Variants in CUBN observed in about 807,000 individuals in gnomAD.
CUBN encodes the protein cubilin, also known as 460 kDa receptor.
In CUBN, 282 loss-of-function variants were observed where a neutral mutation model predicts 405.3. The ratio of observed to expected loss-of-function variants is 0.70; its 90% CI spans 0.63 to 0.77. CUBN has a LOEUF of 0.77. Among genes scored for constraint, CUBN ranks in the 30% least tolerant of loss-of-function variants. CUBN has a pLI of 0.00. For synonymous variants in CUBN, 1,684 were observed against 1,617.0 expected (o/e 1.04, Z -0.99); for missense variants, 4,514 against 4,475.2 (o/e 1.01, Z -0.25).
intron 17 of CUBN, among the ~76,000 whole-genome samples, chr10:17,082,620 C>T (rs961343118): frequency 5.3e-5 from 8 of 152,114 alleles, no homozygotes; most frequent in East Asian, 3.9e-4. Context: ...TCATGATGCT[C>T]GGCTTCATGT....
At chr10:17,017,023 GA>G (rs1564480421) in intron 28 of CUBN, among the ~76,000 whole-genome samples, 1 of 152,088 alleles carries the variant, frequency 6.6e-6, no homozygotes, top group Non-Finnish European at 1.5e-5. Context: ...CCATAGTGCA[GA>G]AAAAAATGAG....
chr10:17,057,496 T>G (rs1835421232), intron 22 of CUBN, among the ~76,000 whole-genome samples: 1 of 151,952 alleles, frequency 6.6e-6, no homozygotes, highest in Non-Finnish European at 1.5e-5. Flanking sequence ...ATCATATAGG[T>G]GGGAATATAA....
intron 2 of CUBN, 65 bp downstream of exon 2, chr10:17,129,056 C>T: frequency 7.6e-7 from 1 of 1,312,700 alleles, no homozygotes; most frequent in Non-Finnish European, 1.1e-6. Flanking sequence ...TTAATCTAGA[C>T]TTGTTCAATT....
chr10:17,105,411 C>T, intron 11 of CUBN, 46 bp downstream of exon 11: 2 of 1,092,178 alleles, frequency 1.8e-6, no homozygotes, highest in Non-Finnish European at 2.9e-6. Context: ...AGGCGTGAAA[C>T]TAATTCTCAG....
intron 17 of CUBN, among the ~76,000 whole-genome samples, chr10:17,082,521 A>G (rs1835995943): frequency 6.6e-6 from 1 of 152,232 alleles, no homozygotes; most frequent in South Asian, 2.1e-4. Context: ...ATAGTTCTTT[A>G]GAACCAGAGA....
rs780288882 is a variant in CUBN, at chr10:17,046,027, T to C, written c.3397A>G (p.Ile1133Val). ...AACCATAGTTTGTTACTATGAGAGA[T>C]GATTGTTGGGGGTAGATTTGAGCCA... ...FYGSNLPPTIISHSNKLWLKF... is the reference protein window; with the variant it reads ...FYGSNLPPTIVSHSNKLWLKF... The change falls in exon 24 of 67, where the codon ATC (isoleucine) becomes GTC (valine). Residue 1133 changes from isoleucine to valine, a missense_variant. Coordinates refer to ENST00000377833, the MANE Select transcript of CUBN (RefSeq NM_001081.4). 3.7e-6 allele frequency: 6 copies of C among 1,613,504 alleles called. No individual in the cohort carries two copies. In the South Asian group the frequency reaches 5.5e-5, roughly 15 times the overall value.
At chr10:16,913,371 A>T (rs1841787950) in intron 48 of CUBN, among the ~76,000 whole-genome samples, 1 of 152,128 alleles carries the variant, frequency 6.6e-6, no homozygotes, top group African/African-American at 2.4e-5. Context: ...GGTTGGTGAC[A>T]TGGAGGTCAC....
intron 65 of CUBN, among the ~76,000 whole-genome samples, chr10:16,830,467 C>A (rs1838952223): frequency 6.6e-6 from 1 of 152,108 alleles, no homozygotes; most frequent in Non-Finnish European, 1.5e-5. Context: ...CTTAAATTTT[C>A]TTTAGTTGTT....
chr10:16,977,434 AGAG>A (rs1271455838), intron 31 of CUBN, among the ~76,000 whole-genome samples: 3 of 152,188 alleles, frequency 2.0e-5, no homozygotes, highest in African/African-American at 4.8e-5. Context: ...CTGAACATTG[AGAG>A]GAGTTCAGCC....
Position 16,938,968 on chromosome 10 carries a change from A to G in CUBN, c.5728T>C (p.Leu1910=). ...EEIQNCYYDK[L]RIYDGPSIHA... is the part of the protein sequence containing the mutation. ...GATTGCATGTGGAAACTCACCCTTA[A>G]TTTGTCATAATAGCAGTTTTGTATT... The change falls in exon 38 of 67, where the codon TTA becomes CTA. Residue 1910 remains leucine (L), a synonymous_variant. Transcript: ENST00000377833. The G allele has an allele frequency of 1.2e-6, 2 of 1,612,782 alleles. No individual in the cohort carries two copies. Among genetic ancestry groups the G allele is most frequent in the East Asian group, 2.2e-5 (1 of 44,850 alleles).
Position 16,936,362 on chromosome 10 carries a change from T to C in CUBN, c.5926+1230A>G, listed in dbSNP as rs114245441. Among the ~76,000 whole-genome samples the C allele has an allele frequency of 6.2e-3, 947 of 152,318 alleles. 13 individuals are homozygous for C. Among genetic ancestry groups the C allele is most frequent in the African/African-American group, 0.022 (903 of 41,562 alleles). On this transcript the variant is annotated intron_variant, in intron 39 of 66. Coordinates refer to ENST00000377833, the MANE Select transcript of CUBN (RefSeq NM_001081.4). ...TTGCTGATGGTTCTTTGCTCTTAGATAGACAGATCAATATTTTAAGTAAGA... is the reference window on the plus strand; with the variant it reads ...TTGCTGATGGTTCTTTGCTCTTAGACAGACAGATCAATATTTTAAGTAAGA...
At chr10:17,113,629 C>T (rs1395797270) in intron 8 of CUBN, among the ~76,000 whole-genome samples, 4 of 152,200 alleles carry the variant, frequency 2.6e-5, no homozygotes, top group Non-Finnish European at 5.9e-5. Context: ...TCTAATGACA[C>T]ACCCAGGCAA....
chr10:16,910,723 A>G (rs1478763216), intron 48 of CUBN, among the ~76,000 whole-genome samples: 1 of 151,830 alleles, frequency 6.6e-6, no homozygotes, highest in African/African-American at 2.4e-5. Context: ...AACTGACCCC[A>G]AATGAGCAAC....
intron 60 of CUBN, among the ~76,000 whole-genome samples, chr10:16,846,275 G>C (rs922183380): frequency 6.6e-6 from 1 of 152,106 alleles, no homozygotes; most frequent in Non-Finnish European, 1.5e-5. Flanking sequence ...TAACCCACCC[G>C]TATTTGTTTA....
At chr10:16,966,881 G>A (rs186656027) in intron 31 of CUBN, among the ~76,000 whole-genome samples, 3 of 152,300 alleles carry the variant, frequency 2.0e-5, no homozygotes, top group Non-Finnish European at 4.4e-5. Context: ...TCACATGGAG[G>A]TGCAAAGTGA....
chr10:17,048,047 C>T (rs1835180093), intron 22 of CUBN, among the ~76,000 whole-genome samples: 1 of 152,162 alleles, frequency 6.6e-6, no homozygotes, highest in Admixed American at 6.5e-5. Context: ...GAATAAGGGC[C>T]CAGGCTCAAG....
In CUBN at chr10:17,041,124, G is replaced by A; in HGVS notation, c.3926C>T (p.Thr1309Ile). Residue 1309 changes from threonine (T) to isoleucine (I), a missense_variant, in exon 27 of 67, where the codon ACC (threonine) becomes ATC (isoleucine). Thr to Ile is a moderately conservative substitution (Grantham distance 89). Around this residue, in one of 5 missense-constraint regions of CUBN, gnomAD observed 242 missense variants for 309.0 expected, o/e 0.78. Coordinates refer to ENST00000377833, the MANE Select transcript of CUBN (RefSeq NM_001081.4). ...PYSENQHCNW[T>I]IRATTGNTVN... ...AGTGTTGCCTGTTGTTGCCCGGATG[G>A]TCCAGTTGCAATGCTGATTTTCAGA... 1 of 1,613,734 alleles carries A rather than the reference G, an allele frequency of 6.2e-7. No individual in the cohort carries two copies. Among genetic ancestry groups the A allele is most frequent in the Non-Finnish European group, 8.5e-7 (1 of 1,179,766 alleles).
chr10:16,977,608 A>G (rs1269003372), intron 31 of CUBN, among the ~76,000 whole-genome samples: 1 of 152,114 alleles, frequency 6.6e-6, no homozygotes, highest in Non-Finnish European at 1.5e-5. Flanking sequence ...TCCATGTGTG[A>G]CCTGATTCTT....
chr10:16,836,413 G>C, intron 62 of CUBN, 31 bp from the exon 63 acceptor site: 7 of 1,606,650 alleles, frequency 4.4e-6, no homozygotes, highest in Non-Finnish European at 6.0e-6. Context: ...AATCATGTTA[G>C]ATTTAGTCTT....
Sources: gnomAD v4.1 joint callset for allele counts (sites outside exome capture counted in the v4.1 genomes callset) on GRCh38, gnomAD v4.1.1 for gene constraint, gnomAD v4.1.1 regional missense constraint, MANE v1.5 for transcripts, NCBI Gene and HGNC (gene_info 2026-07-23, HGNC 2026-07-21) for gene names.